Variants in TMEM178B observed in about 807,000 individuals in gnomAD.
TMEM178B encodes the protein transmembrane protein 178B.
In TMEM178B, 5 loss-of-function variants were observed where a neutral mutation model predicts 31.0. That is an observed-to-expected ratio of 0.16 (90% confidence interval 0.08 to 0.34). TMEM178B has a LOEUF of 0.34. TMEM178B is among the 10% of genes least tolerant of loss of function. The probability of loss-of-function intolerance (pLI) is 1.00; values close to 1 mark genes in which losing one functional copy is unlikely to be tolerated. For synonymous variants in TMEM178B, 164 were observed against 164.0 expected, an observed-to-expected ratio of 1.00 and a Z score of 0.00; for missense variants, 275 against 400.3, an observed-to-expected ratio of 0.69 and a Z score of 2.67.
At chr7:141,221,417 C>T (rs1278782347) in intron 2 of TMEM178B, among the ~76,000 whole-genome samples, 1 of 102,022 alleles carries the variant, frequency 9.8e-6, no homozygotes, top group Non-Finnish European at 1.8e-5. Context: ...TCAGAGCAGG[C>T]AGATACCTGC....
At chr7:141,378,975 G>A (rs199705064) in intron 2 of TMEM178B, among the ~76,000 whole-genome samples, 2 of 152,192 alleles carry the variant, frequency 1.3e-5, no homozygotes, top group African/African-American at 4.8e-5. Flanking sequence ...TCTGTTTCAC[G>A]GTGCACAACA....
intron 2 of TMEM178B, among the ~76,000 whole-genome samples, chr7:141,302,286 A>C (rs1798741431): frequency 6.6e-6 from 1 of 152,256 alleles, no homozygotes; most frequent in Admixed American, 6.5e-5. Context: ...TGCATGCTCC[A>C]ACATGGATGA....
chr7:141,078,663 C>T (rs1037587514), intron 1 of TMEM178B, among the ~76,000 whole-genome samples: 31 of 152,048 alleles, frequency 2.0e-4, no homozygotes, highest in Admixed American at 1.8e-3. Context: ...TGGATTGTGT[C>T]GGCAGTAGCG....
intron 2 of TMEM178B, among the ~76,000 whole-genome samples, chr7:141,349,999 G>C (rs547524162): frequency 2.9e-4 from 39 of 136,558 alleles, no homozygotes; most frequent in South Asian, 1.2e-3. Context: ...ATCCATCCAT[G>C]CATGCATCCA....
intron 2 of TMEM178B, among the ~76,000 whole-genome samples, chr7:141,360,532 G>A (rs1799898941): frequency 6.6e-6 from 1 of 152,194 alleles, no homozygotes; most frequent in South Asian, 2.1e-4. Flanking sequence ...TAGTGCACAG[G>A]CAGGATGTCT....
In TMEM178B at chr7:141,297,767, T is replaced by C. The variant is rs943074116; in HGVS notation, c.496+85063T>C. On this transcript the variant is annotated intron_variant, in intron 2 of 3. Transcript: ENST00000565468. The stretch of plus-strand genomic sequence containing the variant: ...AATCCAGTCTATCACTGATGGACAT[T>C]TGGGTTGGTTCCAAGTCTTTGCTAT... Among the ~76,000 whole-genome samples the C allele has an allele frequency of 2.0e-4, 31 of 152,234 alleles. 1 individual carries two copies. The highest frequency in any genetic ancestry group is 1.8e-3 in the Admixed American group (28 of 15,286).
chr7:141,240,648 G>A (rs529793512), intron 2 of TMEM178B, among the ~76,000 whole-genome samples: 1 of 152,372 alleles, frequency 6.6e-6, no homozygotes, highest in East Asian at 1.9e-4. Flanking sequence ...GAAGAGAACA[G>A]TATTATAAAT....
At chr7:141,332,799 C>T (rs1021635728) in intron 2 of TMEM178B, among the ~76,000 whole-genome samples, 8 of 152,216 alleles carry the variant, frequency 5.3e-5, no homozygotes, top group East Asian at 1.9e-4. Context: ...TTTAGTGTTT[C>T]CCCACCTTGT....
At chr7:141,491,836 C>A in the TMEM178B span, among the ~76,000 whole-genome samples, 1 of 152,162 alleles carries the variant, frequency 6.6e-6, no homozygotes, top group South Asian at 2.1e-4. Flanking sequence ...GGCCCTGTTG[C>A]AGGAATGCCA....
intron 3 of TMEM178B, among the ~76,000 whole-genome samples, chr7:141,462,309 G>C (rs143791306): frequency 5.6e-4 from 85 of 152,248 alleles, no homozygotes; most frequent in African/African-American, 1.9e-3. Context: ...CGGAAATTTG[G>C]GCTTATGGAG....
At chr7:141,504,330 G>A in the TMEM178B span, among the ~76,000 whole-genome samples, 646 of 152,256 alleles carry the variant, frequency 4.2e-3, 3 homozygotes, top group African/African-American at 0.015. Flanking sequence ...ATACGCTTCA[G>A]TTTTGTTTGT....
chr7:141,261,439 A>G (rs1205755412), intron 2 of TMEM178B, among the ~76,000 whole-genome samples: 4 of 152,030 alleles, frequency 2.6e-5, no homozygotes, highest in African/African-American at 9.7e-5. Context: ...AAACGCTACC[A>G]TTGGGGTATA....
At chr7:141,100,424 A>T (rs1308901907) in intron 1 of TMEM178B, among the ~76,000 whole-genome samples, 3 of 152,138 alleles carry the variant, frequency 2.0e-5, no homozygotes, top group Non-Finnish European at 4.4e-5. Flanking sequence ...AGTATGAGAG[A>T]TGCTAGCATT....
intron 2 of TMEM178B, among the ~76,000 whole-genome samples, chr7:141,401,611 G>A (rs1800774145): frequency 6.6e-6 from 1 of 151,936 alleles, no homozygotes; most frequent in Admixed American, 6.6e-5. Flanking sequence ...TTTTAGAGAT[G>A]GAGTTACGGT....
intron 2 of TMEM178B, among the ~76,000 whole-genome samples, chr7:141,393,945 T>C (rs527301538): frequency 6.6e-6 from 1 of 152,344 alleles, no homozygotes; most frequent in South Asian, 2.1e-4. Flanking sequence ...GACAGCTTCA[T>C]TCTTTGATGT....
At chr7:141,412,847 T>C (rs1376672741) in intron 2 of TMEM178B, among the ~76,000 whole-genome samples, 1 of 152,162 alleles carries the variant, frequency 6.6e-6, no homozygotes, top group East Asian at 1.9e-4. Context: ...AACTGAAGCA[T>C]AGAGATAAAC....
At chr7:141,173,644 A>G (rs951651875) in intron 1 of TMEM178B, among the ~76,000 whole-genome samples, 2 of 152,174 alleles carry the variant, frequency 1.3e-5, no homozygotes, top group African/African-American at 4.8e-5. Flanking sequence ...CTGAATGTCA[A>G]CCTCAATCAA....
intron 2 of TMEM178B, among the ~76,000 whole-genome samples, chr7:141,351,584 G>A (rs763985598): frequency 2.6e-4 from 39 of 152,232 alleles, no homozygotes; most frequent in Non-Finnish European, 4.0e-4. Flanking sequence ...GATAAGAGGG[G>A]CTTCAAAGTC....
At position 141,220,473 on chromosome 7, in the gene TMEM178B, G is replaced by A. The variant is rs548088261; in HGVS notation, c.496+7769G>A. ...GTAGCATGGCTGCCTATACAAGGGC[G>A]CCCTCTACATGGATAAGAGGGAGAG... On this transcript the variant is annotated intron_variant, in intron 2 of 3. Coordinates refer to ENST00000565468, the MANE Select transcript of TMEM178B (RefSeq NM_001195278.2). Among the ~76,000 whole-genome samples the A allele has an allele frequency of 7.3e-4, 111 of 152,132 alleles. 4 individuals are homozygous for A. The South Asian group carries it at 0.02, about 28-fold the overall frequency.
Sources: gnomAD v4.1 joint callset for allele counts (sites outside exome capture counted in the v4.1 genomes callset) on GRCh38, gnomAD v4.1.1 for gene constraint, MANE v1.5 for transcripts, NCBI Gene and HGNC (gene_info 2026-07-23, HGNC 2026-07-21) for gene names.